CLIP2: variants seen among roughly 807,000 people sequenced by gnomAD.
CLIP2 encodes the protein CAP-Gly domain-containing linker protein 2.
A neutral mutation model predicts 111.7 loss-of-function variants in CLIP2; 41 were observed. The observed-to-expected ratio is 0.37, with a 90% CI of 0.29 to 0.48. CLIP2 has a LOEUF of 0.48. Ranked by LOEUF, CLIP2 falls within the 20% of genes least tolerant of loss-of-function variation. The pLI is 0.99. For missense variants in CLIP2, 1,160 were observed against 1,422.1 expected, an observed-to-expected ratio of 0.82 and a Z score of 2.96; for synonymous variants, 660 against 644.2, an observed-to-expected ratio of 1.02 and a Z score of -0.37.
chr7:74,381,408 C>T (rs1382670698), intron 11 of CLIP2, among the ~76,000 whole-genome samples: 2 of 152,096 alleles, frequency 1.3e-5, no homozygotes, highest in East Asian at 1.9e-4. Flanking sequence ...AGGGTGGTCT[C>T]GATCTCCTGA....
intron 1 of CLIP2, among the ~76,000 whole-genome samples, chr7:74,309,467 C>T (rs1788585262): frequency 6.6e-6 from 1 of 152,168 alleles, no homozygotes; most frequent in Non-Finnish European, 1.5e-5. Flanking sequence ...AACCACTAAT[C>T]TGCATTCTGT....
intron 13 of CLIP2, 117 bp from the exon 14 acceptor site, chr7:74,396,957 A>G: frequency 7.7e-7 from 1 of 1,292,926 alleles, no homozygotes; most frequent in African/African-American, 1.5e-5. Flanking sequence ...GATGCCATCT[A>G]GTAGCCCATG....
Position 74,397,666 on chromosome 7 carries a change from GT to G in CLIP2, c.2880+451del, listed in dbSNP as rs71094782. 4.7e-3 allele frequency among the ~76,000 whole-genome samples: 197 copies of G among 42,072 alleles called. 2 individuals carry two copies. In the East Asian group the frequency reaches 0.1, roughly 22 times the overall value. The allele number at this position is 42,072 out of a possible 152,430, so 27.6% of individuals were successfully genotyped here. On this transcript the variant is annotated intron_variant, in intron 14 of 16. Transcript: ENST00000223398. ...GATTCTGGGTGGCTGAGTTTTTTTT[GT>G]TTTTTTTTTTTTTTTTTGAGACAGA...
chr7:74,329,998 C>T (rs760478589), intron 2 of CLIP2, among the ~76,000 whole-genome samples: 113 of 152,088 alleles, frequency 7.4e-4, no homozygotes, highest in East Asian at 1.6e-3. Context: ...AGGCTGGTCT[C>T]GAACTCCTGG....
rs782694011 is a variant in CLIP2, at chr7:74,376,410, A to G, written c.2009A>G (p.Lys670Arg). 1.9e-6 allele frequency: 3 copies of G among 1,614,076 alleles called. No homozygotes were observed. The highest frequency in any genetic ancestry group is 1.1e-5 in the South Asian group (1 of 91,084). ...CTGGAGCTGGGTAACTTGCAGGCCA[A>G]GCATGACCTGGAGACCGCCATGCAC... Reference protein sequence around the residue: ...HQLELGNLQAKHDLETAMHVK... With the variant: ...HQLELGNLQARHDLETAMHVK... The change falls in exon 10 of 17, where the codon AAG becomes AGG. Residue 670 changes from lysine (K) to arginine (R), a missense_variant. Lys to Arg is a conservative substitution (Grantham distance 26). Around this residue, in one of 5 missense-constraint regions of CLIP2, gnomAD observed 676 missense variants for 777.8 expected, o/e 0.87. Transcript: ENST00000223398. This position sits in a 1 kb window ranked among gnomAD's most constrained non-coding sequence, Gnocchi z 7.1.
intron 13 of CLIP2, among the ~76,000 whole-genome samples, chr7:74,390,739 C>T (rs1440991518): frequency 6.3e-5 from 1 of 15,762 alleles, no homozygotes; most frequent in East Asian, 1.3e-3. Context: ...TAACTATTTT[C>T]TGGCGGGGTG....
intron 3 of CLIP2, among the ~76,000 whole-genome samples, chr7:74,340,313 T>C (rs931563344): frequency 1.3e-5 from 2 of 151,910 alleles, no homozygotes; most frequent in Non-Finnish European, 2.9e-5. Flanking sequence ...GGAGAATCAC[T>C]TGAACCCAGG....
At chr7:74,336,583 C>A (rs551720158) in intron 2 of CLIP2, among the ~76,000 whole-genome samples, 2 of 152,162 alleles carry the variant, frequency 1.3e-5, no homozygotes, top group East Asian at 3.9e-4. Context: ...GGGGAAACCA[C>A]CCCTGTGATT....
chr7:74,321,630 G>A (rs1320093164), intron 2 of CLIP2, among the ~76,000 whole-genome samples: 3 of 151,906 alleles, frequency 2.0e-5, no homozygotes, highest in African/African-American at 7.3e-5. Context: ...CACCACGCCA[G>A]GCTAATTTTT....
At position 74,362,381 on chromosome 7, in the gene CLIP2, C is replaced by T. The variant is rs914076377; in HGVS notation, c.1320-1874C>T. On this transcript the variant is annotated intron_variant, in intron 7 of 16. Coordinates refer to ENST00000223398, the MANE Select transcript of CLIP2 (RefSeq NM_003388.5). ...TCTGTGGGCTTTCAGCTGGCACCTG[C>T]GCTCCATAAGCTGTTGTTACTGTCG... Among the ~76,000 whole-genome samples the T allele has an allele frequency of 3.9e-5, 6 of 152,218 alleles. No individual in the cohort carries two copies. The East Asian group carries it at 9.7e-4, about 25-fold the overall frequency.
At chr7:74,394,245 ATTTTTT>A (rs56651501) in intron 13 of CLIP2, among the ~76,000 whole-genome samples, 13 of 117,410 alleles carry the variant, frequency 1.1e-4, no homozygotes, top group African/African-American at 3.9e-4. Context: ...TTTTCTTCTT[ATTTTTT>A]TTTTTTTTTT....
At position 74,300,745 on chromosome 7, in the gene CLIP2, C is replaced by T. The variant is rs535165024; in HGVS notation, c.-68+11011C>T. Among the ~76,000 whole-genome samples the T allele has an allele frequency of 5.3e-5, 8 of 152,308 alleles. No homozygotes were observed. In the East Asian group the frequency reaches 7.7e-4, roughly 15 times the overall value. On this transcript the variant is annotated intron_variant, in intron 1 of 16. Transcript: ENST00000223398. ...TGCTGGGATTACAGGCGTGAGCCAC[C>T]GTGCCCGGCCTGATTTCATTCTTTT...
intron 6 of CLIP2, among the ~76,000 whole-genome samples, chr7:74,359,892 A>G (rs1305990682): frequency 6.6e-6 from 1 of 152,222 alleles, no homozygotes; most frequent in Non-Finnish European, 1.5e-5. Flanking sequence ...CAGACAAGAC[A>G]GCAGGTTTGC....
intron 1 of CLIP2, among the ~76,000 whole-genome samples, chr7:74,311,133 C>T (rs1251515582): frequency 6.6e-6 from 1 of 151,918 alleles, no homozygotes; most frequent in Non-Finnish European, 1.5e-5. Context: ...GTGTCTGCCA[C>T]CACGCTCGGC....
At chr7:74,386,318 G>A in intron 11 of CLIP2, 1 of 445,436 alleles carries the variant, frequency 2.2e-6, no homozygotes, top group Non-Finnish European at 4.0e-6. Context: ...GGGATTACAG[G>A]CATGAGCCAC....
At chr7:74,314,082 T>G (rs1201736973) in intron 1 of CLIP2, among the ~76,000 whole-genome samples, 1 of 150,732 alleles carries the variant, frequency 6.6e-6, no homozygotes, top group Non-Finnish European at 1.5e-5. Context: ...ACTCAGAGGC[T>G]GAGGCAGAAG....
intron 11 of CLIP2, among the ~76,000 whole-genome samples, chr7:74,381,332 GC>G (rs1454252712): frequency 6.6e-6 from 1 of 152,016 alleles, no homozygotes; most frequent in Non-Finnish European, 1.5e-5. Flanking sequence ...GGGATTACAG[GC>G]ATGCACCACC....
At position 74,301,235 on chromosome 7, in the gene CLIP2, G is replaced by A. The variant is rs187048754; in HGVS notation, c.-68+11501G>A. ...TGGCCGCTTGTATGTCTTCTTTTGT[G>A]TGCACTCTTTTTATGTCCGACTTCT... On this transcript the variant is annotated intron_variant, in intron 1 of 16. Coordinates refer to ENST00000223398, the MANE Select transcript of CLIP2 (RefSeq NM_003388.5). Among the ~76,000 whole-genome samples, 95 of 152,192 alleles carry A rather than the reference G, an allele frequency of 6.2e-4. 1 individual carries two copies. The highest frequency in any genetic ancestry group is 1.3e-3 in the Non-Finnish European group (90 of 68,026).
chr7:74,362,328 C>CA (rs1447198034), intron 7 of CLIP2, among the ~76,000 whole-genome samples: 2 of 152,084 alleles, frequency 1.3e-5, no homozygotes, highest in African/African-American at 4.8e-5. Context: ...AGCCAGCCCC[C>CA]ATCCCCAACA....
Sources: allele counts gnomAD v4.1 joint callset (sites outside exome capture counted in the v4.1 genomes callset), GRCh38; gene constraint gnomAD v4.1.1; regional missense constraint gnomAD v4.1.1; non-coding constraint Gnocchi (gnomAD v3.1); transcripts MANE v1.5; gene names NCBI Gene and HGNC (gene_info 2026-07-23, HGNC 2026-07-21).